The following APCDD1L variants were observed in gnomAD, a reference collection of about 807,000 sequenced individuals.
APCDD1L encodes the protein protein APCDD1-like.
A neutral mutation model predicts 24.2 loss-of-function variants in APCDD1L; 21 were observed. The observed-to-expected ratio is 0.87, with a 90% confidence interval of 0.61 to 1.25. The LOEUF is 1.25. Ranked by LOEUF, APCDD1L falls within the 50% of genes most tolerant of loss-of-function variation. The pLI, the probability that APCDD1L is intolerant of heterozygous loss-of-function variation, is 0.00. For missense variants in APCDD1L, 704 were observed against 711.7 expected, an observed-to-expected ratio of 0.99 and a Z score of 0.12; for synonymous variants, 321 against 323.6, an observed-to-expected ratio of 0.99 and a Z score of 0.09.
In APCDD1L at chr20:58,467,431, C is replaced by G. The variant is rs1274389051; in HGVS notation, c.416G>C (p.Arg139Pro). 2 of 1,570,926 alleles carry G rather than the reference C, an allele frequency of 1.3e-6. No homozygotes were observed. The highest frequency in any genetic ancestry group is 2.4e-5 in the East Asian group (1 of 41,952). Residue 139 changes from arginine (R) to proline (P), a missense_variant, in exon 3 of 4, where the codon CGC (arginine) becomes CCC (proline). Arg to Pro is a moderately radical substitution (Grantham distance 103). Coordinates refer to ENST00000371149, the MANE Select transcript of APCDD1L (RefSeq NM_153360.3). The surrounding 1 kb of genome is among the most constrained non-coding windows in gnomAD (Gnocchi z 5.9). ...CCCGGTGACGTCGACCAGGGCCCGG[C>G]GGCTGTGGAAGACGATGCCCACCTT... ...LHKVGIVFHS[R>P]RALVDVTGRL...
In APCDD1L at chr20:58,460,834, G is replaced by A; in HGVS notation, c.1462C>T (p.Leu488Phe). The stretch of plus-strand genomic sequence containing the variant: ...GCCAGCCCTAGAACTAGGGGCAGAA[G>A]TGGGAAGGGGGCTATGTGAAGACCC... ...TGGLHIAPFP[L>F]LPLVLGLAFL... Residue 488 changes from leucine (L) to phenylalanine (F), a missense_variant, in exon 4 of 4, where the codon CTT becomes TTT. Coordinates refer to ENST00000371149, the MANE Select transcript of APCDD1L (RefSeq NM_153360.3). The surrounding 1 kb of genome is among the most constrained non-coding windows in gnomAD (Gnocchi z 4.2). 2 of 1,541,274 alleles carry A rather than the reference G, an allele frequency of 1.3e-6. No individual in the cohort carries two copies. Among genetic ancestry groups the A allele is most frequent in the Non-Finnish European group, 1.7e-6 (2 of 1,143,284 alleles).
intron 1 of APCDD1L, among the ~76,000 whole-genome samples, chr20:58,502,945 C>T (rs922782090): frequency 3.3e-5 from 5 of 152,110 alleles, no homozygotes; most frequent in South Asian, 2.1e-4. Flanking sequence ...CTTAGGTCCC[C>T]GTCAGCAACA....
At chr20:58,509,702 C>T (rs1990592158) in intron 1 of APCDD1L, among the ~76,000 whole-genome samples, 1 of 152,210 alleles carries the variant, frequency 6.6e-6, no homozygotes, top group South Asian at 2.1e-4. Flanking sequence ...AGCACATGTG[C>T]TGGCTTACGG....
At chr20:58,503,306 G>C (rs543981983) in intron 1 of APCDD1L, among the ~76,000 whole-genome samples, 1 of 152,132 alleles carries the variant, frequency 6.6e-6, no homozygotes, top group African/African-American at 2.4e-5. Context: ...TCACTCACTG[G>C]CAAGTTGGTC....
intron 1 of APCDD1L, among the ~76,000 whole-genome samples, chr20:58,484,952 G>GTTTTTTTTTTTT (rs3069428): frequency 6.7e-6 from 1 of 148,810 alleles, no homozygotes; most frequent in Non-Finnish European, 1.5e-5. Context: ...TGCTATTAAA[G>GTTTTTTTTTTTT]TTTTTTTTTT....
rs1277033476 is a variant in APCDD1L, at chr20:58,497,398, G to A, written c.49+17261C>T. Among the ~76,000 whole-genome samples the A allele has an allele frequency of 6.6e-6, 1 of 152,110 alleles. No homozygotes were observed. Among genetic ancestry groups the A allele is most frequent in the Non-Finnish European group, 1.5e-5 (1 of 68,022 alleles). On this transcript the variant is annotated intron_variant, in intron 1 of 3. Transcript: ENST00000371149. This position sits in a 1 kb window ranked among gnomAD's most constrained non-coding sequence, Gnocchi z 4.3. ...GACGCCTTGCATCGTGTCCACAGAT[G>A]GGGTGCTAAAACGAGAGGAATTTAC...
intron 1 of APCDD1L, among the ~76,000 whole-genome samples, chr20:58,499,642 G>A (rs1039502779): frequency 3.9e-5 from 6 of 152,156 alleles, no homozygotes; most frequent in East Asian, 1.9e-4. Context: ...TCCCAAGCAC[G>A]TTCATAGGAA....
intron 1 of APCDD1L, among the ~76,000 whole-genome samples, chr20:58,486,854 G>GTTTGTTTTT (rs1555822685): frequency 2.5e-5 from 2 of 80,404 alleles, no homozygotes; most frequent in East Asian, 4.5e-4. Flanking sequence ...TGGAGGGAAG[G>GTTTGTTTTT]TTTTTTTTTT....
intron 1 of APCDD1L, among the ~76,000 whole-genome samples, chr20:58,493,376 A>G (rs1990261479): frequency 6.6e-6 from 1 of 152,226 alleles, no homozygotes; most frequent in Admixed American, 6.5e-5. Context: ...ACTCTAGCAC[A>G]TTTACACCCA....
chr20:58,502,175 T>C (rs531867046), intron 1 of APCDD1L, among the ~76,000 whole-genome samples: 17 of 152,276 alleles, frequency 1.1e-4, no homozygotes, highest in Non-Finnish European at 5.9e-5. Context: ...CGATCTCGGC[T>C]CACTGGAACC....
intron 1 of APCDD1L, among the ~76,000 whole-genome samples, chr20:58,502,172 G>A (rs749975054): frequency 3.9e-5 from 6 of 151,946 alleles, no homozygotes; most frequent in African/African-American, 4.8e-5. Context: ...GTGCGATCTC[G>A]GCTCACTGGA....
chr20:58,480,874 C>A (rs1990011904), intron 1 of APCDD1L, among the ~76,000 whole-genome samples: 1 of 152,238 alleles, frequency 6.6e-6, no homozygotes, highest in Admixed American at 6.5e-5. Flanking sequence ...CAGCCACAGG[C>A]CAGCTGCTTC....
intron 3 of APCDD1L, among the ~76,000 whole-genome samples, chr20:58,463,904 G>GA (rs1555819803): frequency 7.8e-6 from 1 of 128,454 alleles, no homozygotes; most frequent in Non-Finnish European, 1.7e-5. Context: ...TGGGGGGGGG[G>GA]GGCGTCACAT....
rs1447650634 is a variant in APCDD1L, at chr20:58,467,121, C to T, written c.726G>A (p.Pro242=). The T allele has an allele frequency of 3.7e-6, 6 of 1,606,524 alleles. No homozygotes were observed. Among genetic ancestry groups the T allele is most frequent in the Non-Finnish European group, 5.1e-6 (6 of 1,178,890 alleles). ...ACACACTCACCAGTGCGCTCTGCAGCGGGCGCTGGTAGCCCGTGGGCCGGT... is the reference window on the plus strand; with the variant it reads ...ACACACTCACCAGTGCGCTCTGCAGTGGGCGCTGGTAGCCCGTGGGCCGGT... ...RHYRPTGYQR[P]LQSALHHVQP... is the part of the protein sequence containing the mutation. Residue 242 remains proline (P), a synonymous_variant, in exon 3 of 4, where the codon CCG becomes CCA. Coordinates refer to ENST00000371149, the MANE Select transcript of APCDD1L (RefSeq NM_153360.3). This position sits in a 1 kb window ranked among gnomAD's most constrained non-coding sequence, Gnocchi z 5.9.
At chr20:58,509,884 A>G (rs1424261701) in intron 1 of APCDD1L, among the ~76,000 whole-genome samples, 1 of 152,172 alleles carries the variant, frequency 6.6e-6, no homozygotes, top group African/African-American at 2.4e-5. Flanking sequence ...TGCTCTTAAT[A>G]TAAAGTCCAA....
At chr20:58,492,320 G>T (rs1990238226) in intron 1 of APCDD1L, among the ~76,000 whole-genome samples, 1 of 152,186 alleles carries the variant, frequency 6.6e-6, no homozygotes, top group Non-Finnish European at 1.5e-5. Context: ...GTTGTGTAAA[G>T]AAGTCCTCCA....
rs1568731652 is a variant in APCDD1L, at chr20:58,461,080, G to A, written c.1216C>T (p.Leu406Phe). The part of the protein sequence containing the change: ...TNGCLPLGIR[L>F]PHVEYELFKM... ...AAAAGCTCGTACTCCACATGCGGGA[G>A]CCGGATGCCCAGCGGTAGGCAGCCG... Residue 406 changes from leucine (L) to phenylalanine (F), a missense_variant, in exon 4 of 4, where the codon CTC (leucine) becomes TTC (phenylalanine). Coordinates refer to ENST00000371149, the MANE Select transcript of APCDD1L (RefSeq NM_153360.3). The surrounding 1 kb of genome is among the most constrained non-coding windows in gnomAD (Gnocchi z 6.0). 8 of 1,614,086 alleles carry A rather than the reference G, an allele frequency of 5.0e-6. No individual in the cohort carries two copies. Among genetic ancestry groups the A allele is most frequent in the Non-Finnish European group, 5.9e-6 (7 of 1,179,982 alleles).
At chr20:58,470,918 C>T (rs1989800568) in intron 1 of APCDD1L, among the ~76,000 whole-genome samples, 171 bp from the exon 2 acceptor site, 3 of 152,140 alleles carry the variant, frequency 2.0e-5, no homozygotes, top group South Asian at 4.1e-4. Context: ...ATGGGTTCCC[C>T]ATATTGAGGA....
chr20:58,505,780 A>C (rs1388878263), intron 1 of APCDD1L, among the ~76,000 whole-genome samples: 1 of 152,180 alleles, frequency 6.6e-6, no homozygotes, highest in Non-Finnish European at 1.5e-5. Context: ...TAACTAATTA[A>C]AATGAGGTCC....
Sources: allele counts gnomAD v4.1 joint callset (sites outside exome capture counted in the v4.1 genomes callset), GRCh38; gene constraint gnomAD v4.1.1; non-coding constraint Gnocchi (gnomAD v3.1); transcripts MANE v1.5; gene names NCBI Gene and HGNC (gene_info 2026-07-23, HGNC 2026-07-21).